DPH6: variants seen among roughly 807,000 people sequenced by gnomAD.
The protein encoded by DPH6 is diphthine--ammonia ligase.
In DPH6, 33 loss-of-function variants were observed where a neutral mutation model predicts 38.2. The observed-to-expected ratio is 0.86, with a 90% CI of 0.65 to 1.15. DPH6 has a LOEUF of 1.15. DPH6 is among the 50% of genes most tolerant of loss of function. The probability of loss-of-function intolerance (pLI) is 0.00; values close to 1 mark genes in which losing one functional copy is unlikely to be tolerated. For synonymous variants in DPH6, 108 were observed against 103.0 expected (o/e 1.05, Z -0.30); for missense variants, 325 against 320.0 (o/e 1.02, Z -0.12).
chr15:35,151,548 C>CT, the DPH6 span, among the ~76,000 whole-genome samples: 1 of 152,230 alleles, frequency 6.6e-6, no homozygotes, highest in Non-Finnish European at 1.5e-5. Context: ...CTCATGTCTG[C>CT]ATGGGTTTTC....
At chr15:35,526,044 G>T (rs535106238) in intron 3 of DPH6, among the ~76,000 whole-genome samples, 15 of 152,214 alleles carry the variant, frequency 9.9e-5, no homozygotes, top group African/African-American at 3.6e-4. Flanking sequence ...AAAATCAGAA[G>T]AACTTGGATA....
chr15:35,544,302 A>G (rs1228528224), intron 1 of DPH6, among the ~76,000 whole-genome samples: 1 of 148,574 alleles, frequency 6.7e-6, no homozygotes, highest in Non-Finnish European at 1.5e-5. Context: ...ATAATGTTCT[A>G]TGAGAGCATA....
intron 3 of DPH6, among the ~76,000 whole-genome samples, chr15:35,305,900 T>C (rs370455772): frequency 6.6e-5 from 10 of 152,178 alleles, no homozygotes; most frequent in African/African-American, 1.4e-4. Flanking sequence ...TTTTGGGTAA[T>C]TGTATTGCTG....
intron 3 of DPH6, among the ~76,000 whole-genome samples, chr15:35,475,489 G>A (rs1025017305): frequency 1.3e-5 from 2 of 151,898 alleles, no homozygotes; most frequent in Non-Finnish European, 2.9e-5. Flanking sequence ...TAAGATGACC[G>A]ACCAACTATC....
At chr15:35,388,490 A>T (rs1241330375) in intron 6 of DPH6, among the ~76,000 whole-genome samples, 1 of 152,230 alleles carries the variant, frequency 6.6e-6, no homozygotes, top group East Asian at 1.9e-4. Context: ...TTTTATTGGT[A>T]AGCTATTAAT....
chr15:35,480,486 C>T (rs2054313803), intron 3 of DPH6, among the ~76,000 whole-genome samples: 1 of 151,996 alleles, frequency 6.6e-6, no homozygotes, highest in African/African-American at 2.4e-5. Context: ...AATCTTAAGG[C>T]TATGTAGGTT....
chr15:35,497,923 C>G (rs188458922), intron 3 of DPH6, among the ~76,000 whole-genome samples: 3 of 151,960 alleles, frequency 2.0e-5, no homozygotes, highest in Non-Finnish European at 4.4e-5. Flanking sequence ...GATAACAAAC[C>G]GAAAGATTCC....
At chr15:35,498,751 T>A (rs116573132) in intron 3 of DPH6, among the ~76,000 whole-genome samples, 2,771 of 152,198 alleles carry the variant, frequency 0.018, 84 homozygotes, top group African/African-American at 0.062. Context: ...GTTATAAGTA[T>A]TTCCTTTTAG....
intron 7 of DPH6, 71 bp from the exon 8 acceptor site, chr15:35,373,679 T>A: frequency 8.6e-7 from 1 of 1,167,936 alleles, no homozygotes; most frequent in Non-Finnish European, 1.2e-6. Context: ...TCCTACTGAC[T>A]AGAAGAGACT....
intron 7 of DPH6, among the ~76,000 whole-genome samples, chr15:35,378,570 C>T (rs1009707604): frequency 1.3e-5 from 2 of 152,148 alleles, no homozygotes; most frequent in Admixed American, 6.5e-5. Flanking sequence ...AGACTTGGAA[C>T]CAACCTAAAT....
At chr15:35,260,508 ATAAAT>A (rs1375516450) in intron 3 of DPH6, among the ~76,000 whole-genome samples, 2 of 150,702 alleles carry the variant, frequency 1.3e-5, no homozygotes, top group African/African-American at 4.8e-5. Context: ...TTATTTAATA[ATAAAT>A]TAAGTAATAT....
chr15:35,259,800 C>A (rs1480578063), intron 3 of DPH6, among the ~76,000 whole-genome samples: 1 of 152,170 alleles, frequency 6.6e-6, no homozygotes, highest in Non-Finnish European at 1.5e-5. Context: ...TAGTTATGGT[C>A]ACACAAAGCT....
At chr15:35,174,974 T>A in the DPH6 span, among the ~76,000 whole-genome samples, 1 of 152,228 alleles carries the variant, frequency 6.6e-6, no homozygotes, top group Non-Finnish European at 1.5e-5. Context: ...TCTGTATTTA[T>A]GTTTTCATCC....
the DPH6 span, among the ~76,000 whole-genome samples, chr15:35,196,373 G>A: frequency 1.3e-5 from 2 of 152,076 alleles, no homozygotes; most frequent in African/African-American, 4.8e-5. Flanking sequence ...CCTTGATAGA[G>A]ATGCTAAGCT....
At position 35,542,599 on chromosome 15, in the gene DPH6, A is replaced by T. The variant is rs909877848; in HGVS notation, c.24-92T>A. 19 of 1,209,774 alleles carry T rather than the reference A, an allele frequency of 1.6e-5. No homozygotes were observed. The South Asian group carries it at 1.9e-4, about 12-fold the overall frequency. The allele number at this position is 1,209,774 out of a possible 1,614,324, so 74.9% of individuals were successfully genotyped here. ...GATATCAAAACAGAACATATCATTT[A>T]CTTGACTCTTCAGAATATATTACAA... On this transcript the variant is annotated intron_variant, in intron 1 of 8. Transcript: ENST00000256538.
At chr15:35,284,984 A>AT (rs1170064149) in intron 3 of DPH6, among the ~76,000 whole-genome samples, 2 of 151,204 alleles carry the variant, frequency 1.3e-5, no homozygotes, top group East Asian at 1.9e-4. Context: ...TAATTTTTTC[A>AT]TTTTTTGTAG....
At chr15:35,407,367 T>C (rs1487111182) in intron 6 of DPH6, among the ~76,000 whole-genome samples, 1 of 151,970 alleles carries the variant, frequency 6.6e-6, no homozygotes, top group Non-Finnish European at 1.5e-5. Context: ...TCATGTATAC[T>C]TAGTGTTCAC....
intron 3 of DPH6, among the ~76,000 whole-genome samples, chr15:35,228,350 C>T (rs989267809): frequency 1.1e-4 from 17 of 152,158 alleles, no homozygotes; most frequent in African/African-American, 3.9e-4. Flanking sequence ...ACGTAGGATA[C>T]GAGTAGTTTA....
intron 3 of DPH6, among the ~76,000 whole-genome samples, chr15:35,532,193 A>G (rs964870360): frequency 3.9e-5 from 6 of 152,220 alleles, no homozygotes; most frequent in African/African-American, 1.4e-4. Context: ...GGATCAGACT[A>G]GTAGGACTGC....
Sources: allele counts gnomAD v4.1 joint callset (sites outside exome capture counted in the v4.1 genomes callset), GRCh38; gene constraint gnomAD v4.1.1; transcripts MANE v1.5; gene names NCBI Gene and HGNC (gene_info 2026-07-23, HGNC 2026-07-21).